Variants in RHOJ observed in about 807,000 individuals in gnomAD.
RHOJ encodes the protein rho-related GTP-binding protein RhoJ.
A neutral mutation model predicts 23.4 loss-of-function variants in RHOJ; 11 were observed. The ratio of observed to expected loss-of-function variants is 0.47; its 90% CI spans 0.30 to 0.78. The LOEUF (loss-of-function observed/expected upper bound fraction) is 0.78, where lower values mean the gene tolerates loss of function less well. RHOJ is among the 30% of genes least tolerant of loss of function. The pLI is 0.08. For synonymous variants in RHOJ, 102 were observed against 102.7 expected, an observed-to-expected ratio of 0.99 and a Z score of 0.04; for missense variants, 254 against 273.4, an observed-to-expected ratio of 0.93 and a Z score of 0.50.
chr14:63,269,327 C>T lies in RHOJ; in HGVS notation c.237+159C>T, dbSNP rs148993659. ...TAAATGACGACCAAAAGCACATTCTCAATATTTTAAAAATTACAAAAATCT... is the reference window on the plus strand; with the variant it reads ...TAAATGACGACCAAAAGCACATTCTTAATATTTTAAAAATTACAAAAATCT... On this transcript the variant is annotated intron_variant, in intron 2 of 4. Coordinates refer to ENST00000316754, the MANE Select transcript of RHOJ (RefSeq NM_020663.5). 2.2e-5 allele frequency: 11 copies of T among 491,656 alleles called. No homozygotes were observed. The East Asian group carries it at 3.5e-4, about 16-fold the overall frequency. 30.5% of individuals were successfully genotyped at this position (491,656 alleles called of 1,614,324 possible).
At chr14:63,223,942 A>T (rs1196435674) in intron 1 of RHOJ, among the ~76,000 whole-genome samples, 1 of 152,126 alleles carries the variant, frequency 6.6e-6, no homozygotes, top group South Asian at 2.1e-4. Context: ...ACAGCTTGCA[A>T]TCTCTCTCCA....
At position 63,281,091 on chromosome 14, in the gene RHOJ, A is replaced by G; in HGVS notation, c.358A>G (p.Lys120Glu). The stretch of plus-strand genomic sequence containing the variant: ...CCAGGAGGAATGGGTCCCCGAGCTC[A>G]AGGACTGCATGCCTCACGTGCCTTA... ...NVQEEWVPEL[K>E]DCMPHVPYVL... Residue 120 changes from lysine (K) to glutamate (E), a missense_variant, in exon 3 of 5, where the codon AAG becomes GAG. Lys to Glu is a moderately conservative substitution (Grantham distance 56). Transcript: ENST00000316754. 6.2e-7 allele frequency: 1 copy of G among 1,614,056 alleles called. No individual in the cohort carries two copies. The highest frequency in any genetic ancestry group is 2.2e-5 in the East Asian group (1 of 44,866).
intron 1 of RHOJ, among the ~76,000 whole-genome samples, chr14:63,220,389 C>A (rs1566606948): frequency 1.3e-5 from 2 of 151,574 alleles, no homozygotes. Flanking sequence ...GTACAATAAA[C>A]CCCCATGACA....
At chr14:63,249,188 A>C (rs1168341944) in intron 1 of RHOJ, among the ~76,000 whole-genome samples, 1 of 152,236 alleles carries the variant, frequency 6.6e-6, no homozygotes, top group Non-Finnish European at 1.5e-5. Context: ...TGTCCACTGA[A>C]GTCCCTGTCC....
intron 1 of RHOJ, among the ~76,000 whole-genome samples, chr14:63,218,277 T>C (rs540693717): frequency 4.5e-4 from 68 of 152,328 alleles, no homozygotes; most frequent in African/African-American, 1.5e-3. Flanking sequence ...CAGCTCTGTC[T>C]CTAAATGGGT....
intron 1 of RHOJ, among the ~76,000 whole-genome samples, chr14:63,242,305 A>G (rs1029843847): frequency 2.0e-5 from 3 of 152,210 alleles, no homozygotes; most frequent in Non-Finnish European, 2.9e-5. Flanking sequence ...TTTATAGTTC[A>G]AATGTAATCC....
chr14:63,286,418 T>C (rs1023948683), intron 4 of RHOJ, among the ~76,000 whole-genome samples: 3 of 152,140 alleles, frequency 2.0e-5, no homozygotes, highest in African/African-American at 4.8e-5. Flanking sequence ...GTTTGAAGGA[T>C]GAGGAAAAGT....
At chr14:63,232,722 G>A (rs1390304169) in intron 1 of RHOJ, among the ~76,000 whole-genome samples, 2 of 141,482 alleles carry the variant, frequency 1.4e-5, no homozygotes, top group East Asian at 4.0e-4. Context: ...TTTGAGACAG[G>A]GTCTCACTCT....
intron 1 of RHOJ, among the ~76,000 whole-genome samples, chr14:63,251,061 A>T (rs1010234742): frequency 2.0e-5 from 3 of 152,142 alleles, no homozygotes; most frequent in African/African-American, 7.2e-5. Context: ...TAATTAATTT[A>T]AAAAATTAAA....
chr14:63,267,239 T>C (rs10138980), intron 1 of RHOJ, among the ~76,000 whole-genome samples: 27,449 of 152,076 alleles, frequency 0.18, 2,888 homozygotes, highest in African/African-American at 0.29. Context: ...AAAGCTGCCA[T>C]AGGAGAAAAG....
At chr14:63,274,205 C>G (rs1392311499) in intron 2 of RHOJ, among the ~76,000 whole-genome samples, 1 of 152,222 alleles carries the variant, frequency 6.6e-6, no homozygotes, top group Non-Finnish European at 1.5e-5. Context: ...ATGGGGCCAT[C>G]TGGAGCACAG....
At chr14:63,235,145 G>A (rs946491482) in intron 1 of RHOJ, among the ~76,000 whole-genome samples, 4 of 151,234 alleles carry the variant, frequency 2.6e-5, no homozygotes, top group Admixed American at 2.0e-4. Flanking sequence ...TTATCAAAAG[G>A]CATATCAAAA....
intron 1 of RHOJ, among the ~76,000 whole-genome samples, chr14:63,264,688 G>A (rs1326966793): frequency 6.6e-6 from 1 of 152,106 alleles, no homozygotes; most frequent in African/African-American, 2.4e-5. Flanking sequence ...AGCATCAGTT[G>A]TTTTTTGACT....
intron 4 of RHOJ, chr14:63,284,127 T>C: frequency 1.4e-6 from 1 of 699,420 alleles, no homozygotes. Context: ...AGTCACTCTC[T>C]TCAAGCCAGT....
At chr14:63,232,018 T>C (rs1404871013) in intron 1 of RHOJ, among the ~76,000 whole-genome samples, 1 of 152,158 alleles carries the variant, frequency 6.6e-6, no homozygotes, top group Non-Finnish European at 1.5e-5. Flanking sequence ...AGTCTCTTCA[T>C]AAGGAGAGCA....
In RHOJ at chr14:63,278,845, G is replaced by A. The variant is rs193256139; in HGVS notation, c.238-2126G>A. ...TACAAAAAAAATAAAAATTGGCTGG[G>A]TGTGGTGGCATGTGCCTGTAGTCCA... On this transcript the variant is annotated intron_variant, in intron 2 of 4. Transcript: ENST00000316754. Among the ~76,000 whole-genome samples, 292 of 152,172 alleles carry A rather than the reference G, an allele frequency of 1.9e-3. 2 individuals carry two copies. Among genetic ancestry groups the A allele is most frequent in the Admixed American group, 4.3e-3 (65 of 15,276 alleles).
At chr14:63,278,000 C>G (rs1051080392) in intron 2 of RHOJ, among the ~76,000 whole-genome samples, 3 of 151,624 alleles carry the variant, frequency 2.0e-5, no homozygotes, top group Admixed American at 6.6e-5. Context: ...CACACACACA[C>G]AGACATAGGC....
At chr14:63,283,938 T>G (rs9989170) in intron 4 of RHOJ, among the ~76,000 whole-genome samples, 14,970 of 151,914 alleles carry the variant, frequency 0.099, 1,109 homozygotes, top group African/African-American at 0.2. Context: ...CACTGAAAAA[T>G]ATTCGAGAGG....
At chr14:63,250,764 T>G (rs1895056374) in intron 1 of RHOJ, among the ~76,000 whole-genome samples, 1 of 152,186 alleles carries the variant, frequency 6.6e-6, no homozygotes. Context: ...CTGGGTGCGG[T>G]GGCTCACACC....
Sources: allele counts gnomAD v4.1 joint callset (sites outside exome capture counted in the v4.1 genomes callset), GRCh38; gene constraint gnomAD v4.1.1; transcripts MANE v1.5; gene names NCBI Gene and HGNC (gene_info 2026-07-23, HGNC 2026-07-21).